Variants in CAMKMT observed in about 807,000 individuals in gnomAD.
CAMKMT encodes calmodulin-lysine N-methyltransferase.
CAMKMT carries 53 observed loss-of-function variants against 48.0 expected under a neutral mutation model. The ratio of observed to expected loss-of-function variants is 1.10; its 90% CI spans 0.89 to 1.39. The LOEUF (loss-of-function observed/expected upper bound fraction) is 1.39. CAMKMT is among the 40% of genes most tolerant of loss of function. The pLI, the probability that CAMKMT is intolerant of heterozygous loss-of-function variation, is 0.00. For synonymous variants in CAMKMT, 165 were observed against 152.3 expected (o/e 1.08, Z -0.61); for missense variants, 428 against 402.7 (o/e 1.06, Z -0.54).
At chr2:44,377,516 A>G (rs1679819686) in intron 2 of CAMKMT, among the ~76,000 whole-genome samples, 1 of 152,168 alleles carries the variant, frequency 6.6e-6, no homozygotes, top group Admixed American at 6.5e-5. Flanking sequence ...ATTTCAACTT[A>G]ATTCCAGCAC....
At chr2:44,744,557 A>T (rs1002431752) in intron 8 of CAMKMT, among the ~76,000 whole-genome samples, 4 of 152,158 alleles carry the variant, frequency 2.6e-5, no homozygotes, top group African/African-American at 9.7e-5. Context: ...AGGTTTTATC[A>T]TGATGTTTAT....
chr2:44,732,670 A>T (rs1331219978), intron 7 of CAMKMT, among the ~76,000 whole-genome samples: 3 of 152,174 alleles, frequency 2.0e-5, no homozygotes, highest in African/African-American at 7.2e-5. Flanking sequence ...GGGACTAATG[A>T]TGTTGAATAT....
chr2:44,402,022 G>T (rs1018614359), intron 3 of CAMKMT, among the ~76,000 whole-genome samples: 1 of 152,092 alleles, frequency 6.6e-6, no homozygotes, highest in African/African-American at 2.4e-5. Context: ...TGATACTTTG[G>T]TTGGATATAA....
At chr2:44,659,810 A>T (rs942051332) in intron 3 of CAMKMT, among the ~76,000 whole-genome samples, 1 of 152,136 alleles carries the variant, frequency 6.6e-6, no homozygotes, top group African/African-American at 2.4e-5. Context: ...CTATAGAGTT[A>T]TTTCAGCATA....
chr2:44,712,039 C>A (rs1290972495), intron 6 of CAMKMT, among the ~76,000 whole-genome samples: 1 of 152,130 alleles, frequency 6.6e-6, no homozygotes, highest in Non-Finnish European at 1.5e-5. Context: ...CATCCACGAA[C>A]ATAACAATTG....
Position 44,704,297 on chromosome 2 carries a change from G to A in CAMKMT, c.391G>A (p.Glu131Lys), listed in dbSNP as rs760595858. 6.2e-6 allele frequency: 10 copies of A among 1,610,810 alleles called. No homozygotes were observed. The highest frequency in any genetic ancestry group is 7.6e-6 in the Non-Finnish European group (9 of 1,178,330). ...NTGNVCIWPS[E>K]EVLAYYCLKH... ...GTGTTTTCTAGGCATCTGGCCATCT[G>A]AAGAGGTTTTGGCTTACTACTGCCT... The change falls in exon 4 of 11, where the codon GAA becomes AAA. Residue 131 changes from glutamate to lysine, a missense_variant. Physicochemically the swap from Glu to Lys is moderately conservative, Grantham distance 56. Transcript: ENST00000378494.
chr2:44,711,834 A>C (rs1677894657), intron 6 of CAMKMT, among the ~76,000 whole-genome samples: 1 of 152,182 alleles, frequency 6.6e-6, no homozygotes, highest in African/African-American at 2.4e-5. Context: ...TCTGTTTTAG[A>C]GATGGAGCTC....
chr2:44,435,267 A>G (rs1666158225), intron 3 of CAMKMT, among the ~76,000 whole-genome samples: 1 of 152,110 alleles, frequency 6.6e-6, no homozygotes, highest in Non-Finnish European at 1.5e-5. Flanking sequence ...CAAATACATC[A>G]TTAATCTGAT....
At chr2:44,740,425 C>T (rs1156568846) in intron 7 of CAMKMT, among the ~76,000 whole-genome samples, 8 of 152,106 alleles carry the variant, frequency 5.3e-5, no homozygotes, top group East Asian at 1.9e-4. Context: ...CCACCGTGCC[C>T]GGCTGGATTG....
intron 3 of CAMKMT, among the ~76,000 whole-genome samples, chr2:44,490,600 C>T (rs1263390035): frequency 6.7e-6 from 1 of 149,874 alleles, no homozygotes; most frequent in African/African-American, 2.5e-5. Context: ...AAACTAAAAT[C>T]TCCACATATT....
At chr2:44,364,939 A>G (rs1196712555) in intron 1 of CAMKMT, among the ~76,000 whole-genome samples, 1 of 152,200 alleles carries the variant, frequency 6.6e-6, no homozygotes, top group African/African-American at 2.4e-5. Flanking sequence ...CCAAAGTAAG[A>G]TATTTGGCAA....
intron 7 of CAMKMT, among the ~76,000 whole-genome samples, chr2:44,726,937 G>C (rs746997488): frequency 6.6e-6 from 1 of 152,090 alleles, no homozygotes; most frequent in Non-Finnish European, 1.5e-5. Flanking sequence ...CAAGTGTGCG[G>C]CTTTATTTCT....
intron 3 of CAMKMT, among the ~76,000 whole-genome samples, chr2:44,453,975 T>G (rs1337503088): frequency 6.6e-6 from 1 of 152,026 alleles, no homozygotes; most frequent in Admixed American, 6.6e-5. Flanking sequence ...TTAATGGAAG[T>G]AAGAATTAGA....
intron 8 of CAMKMT, among the ~76,000 whole-genome samples, chr2:44,748,611 G>C (rs1055429285): frequency 1.3e-5 from 2 of 152,112 alleles, no homozygotes; most frequent in Non-Finnish European, 2.9e-5. Context: ...GGTGGCTCAT[G>C]CCTGTAGTCC....
chr2:44,611,452 A>G (rs1406004247), intron 3 of CAMKMT, among the ~76,000 whole-genome samples: 1 of 151,978 alleles, frequency 6.6e-6, no homozygotes, highest in South Asian at 2.1e-4. Flanking sequence ...AAAAAAAAAA[A>G]GTATCTACCC....
chr2:44,391,038 A>G (rs1267379458), intron 3 of CAMKMT, among the ~76,000 whole-genome samples: 8 of 152,218 alleles, frequency 5.3e-5, no homozygotes, highest in Admixed American at 1.3e-4. Context: ...TGAATTGTCA[A>G]TGAAATATGA....
At chr2:44,591,633 A>G (rs1011747845) in intron 3 of CAMKMT, among the ~76,000 whole-genome samples, 3 of 151,946 alleles carry the variant, frequency 2.0e-5, no homozygotes, top group Non-Finnish European at 2.9e-5. Flanking sequence ...AACTAGTTCA[A>G]CCATTGTGGA....
intron 3 of CAMKMT, among the ~76,000 whole-genome samples, chr2:44,413,928 A>T (rs1323108872): frequency 6.6e-6 from 1 of 152,224 alleles, no homozygotes; most frequent in Non-Finnish European, 1.5e-5. Context: ...TGCCTGATTT[A>T]TCCTTGTTTG....
chr2:44,706,451 C>A, intron 5 of CAMKMT, 110 bp downstream of exon 5: 1 of 1,038,566 alleles, frequency 9.6e-7, no homozygotes, highest in South Asian at 1.3e-5. Flanking sequence ...CAGCTGCGGT[C>A]AAGCTGCCGG....
Sources: allele counts gnomAD v4.1 joint callset (sites outside exome capture counted in the v4.1 genomes callset), GRCh38; gene constraint gnomAD v4.1.1; transcripts MANE v1.5; gene names NCBI Gene and HGNC (gene_info 2026-07-23, HGNC 2026-07-21).